SLC41A2: variants seen among roughly 807,000 people sequenced by gnomAD.
The protein encoded by SLC41A2 is SLC41A1-like 1.
SLC41A2 carries 32 observed loss-of-function variants against 58.3 expected under a neutral mutation model. The ratio of observed to expected loss-of-function variants is 0.55; its 90% confidence interval spans 0.41 to 0.74. The LOEUF (loss-of-function observed/expected upper bound fraction) is 0.74, where lower values mean the gene tolerates loss of function less well. SLC41A2 is among the 30% of genes least tolerant of loss of function. SLC41A2 has a pLI of 0.00. For synonymous variants in SLC41A2, 190 were observed against 235.0 expected (o/e 0.81, Z 1.75); for missense variants, 514 against 680.6 (o/e 0.76, Z 2.72).
intron 10 of SLC41A2, among the ~76,000 whole-genome samples, chr12:104,836,688 A>C (rs1245666422): frequency 1.3e-5 from 2 of 152,226 alleles, no homozygotes; most frequent in African/African-American, 4.8e-5. Context: ...GGTCAAACAA[A>C]TTTAAAAATT....
intron 6 of SLC41A2, among the ~76,000 whole-genome samples, chr12:104,872,715 C>G (rs938614404): frequency 1.3e-5 from 2 of 151,926 alleles, no homozygotes; most frequent in African/African-American, 4.8e-5. Flanking sequence ...GGGCGACAGT[C>G]GAGCAAGACT....
intron 8 of SLC41A2, among the ~76,000 whole-genome samples, chr12:104,859,192 G>A (rs972253234): frequency 5.3e-5 from 8 of 152,146 alleles, no homozygotes; most frequent in African/African-American, 1.2e-4. Context: ...GGGAAACAAT[G>A]AGTCCAACCA....
chr12:104,923,311 G>A (rs1303626719), intron 2 of SLC41A2, among the ~76,000 whole-genome samples: 1 of 147,192 alleles, frequency 6.8e-6, no homozygotes, highest in Non-Finnish European at 1.5e-5. Context: ...GAAGTGAGCC[G>A]TGATCGTGCC....
chr12:104,847,637 A>C (rs189926708), intron 8 of SLC41A2, among the ~76,000 whole-genome samples: 183 of 151,776 alleles, frequency 1.2e-3, no homozygotes, highest in African/African-American at 4.3e-3. Flanking sequence ...AGTCCTCAAA[A>C]TACATCAAGA....
intron 1 of SLC41A2, among the ~76,000 whole-genome samples, chr12:104,940,666 C>A (rs1167960804): frequency 6.6e-6 from 1 of 151,062 alleles, no homozygotes; most frequent in African/African-American, 2.4e-5. Flanking sequence ...ACCTATAATC[C>A]CAGCACTTTG....
At chr12:104,886,091 CAG>C (rs1355822936) in intron 6 of SLC41A2, among the ~76,000 whole-genome samples, 200 bp downstream of exon 6, 2 of 151,990 alleles carry the variant, frequency 1.3e-5, no homozygotes, top group African/African-American at 4.8e-5. Flanking sequence ...CCTTATTTTA[CAG>C]AGTTTTAAAC....
At chr12:104,806,942 T>G (rs1018175978) in intron 10 of SLC41A2, among the ~76,000 whole-genome samples, 3 of 152,234 alleles carry the variant, frequency 2.0e-5, no homozygotes, top group Non-Finnish European at 4.4e-5. Flanking sequence ...CTTGTTTGAG[T>G]TCATTGTAAA....
At chr12:104,820,567 T>C (rs552037216) in intron 10 of SLC41A2, among the ~76,000 whole-genome samples, 3 of 152,272 alleles carry the variant, frequency 2.0e-5, no homozygotes, top group Non-Finnish European at 4.4e-5. Context: ...ACAAGGTCAT[T>C]TGTCATATTT....
rs191707175 is a variant in SLC41A2 at position 104,884,509 on chromosome 12, C to A, written c.1027+1784G>T. On this transcript the variant is annotated intron_variant, in intron 6 of 10. Coordinates refer to ENST00000258538, the MANE Select transcript of SLC41A2 (RefSeq NM_001352171.3). ...GTATTTTTTATGTATATAGGGTAAC[C>A]TGTCCCAGAACCACTACCAGCCCTC... is the stretch of plus-strand genomic sequence containing the variant. 3.9e-5 allele frequency among the ~76,000 whole-genome samples: 6 copies of A among 152,264 alleles called. No individual in the cohort carries two copies. The East Asian group carries it at 1.2e-3, about 29-fold the overall frequency.
chr12:104,807,599 A>T (rs1353722519), intron 10 of SLC41A2, among the ~76,000 whole-genome samples: 3 of 152,142 alleles, frequency 2.0e-5, no homozygotes, highest in Non-Finnish European at 4.4e-5. Flanking sequence ...CAATTCTGTG[A>T]AGAAAGTCAT....
intron 2 of SLC41A2, among the ~76,000 whole-genome samples, chr12:104,920,135 G>GTC (rs1253930151): frequency 6.6e-6 from 1 of 151,996 alleles, no homozygotes; most frequent in Non-Finnish European, 1.5e-5. Flanking sequence ...ATTTGTGTGG[G>GTC]TCTCTCTCTC....
rs539887540 is a variant in SLC41A2 at position 104,838,745 on chromosome 12, G to A, written c.1536+5727C>T. ...TCTGAAGTTACAGAGGAAAAAGACT[G>A]TATTGTTATAAGGAAGTAAGTCTTG... is the stretch of plus-strand genomic sequence containing the variant. On this transcript the variant is annotated intron_variant, in intron 10 of 10. Transcript: ENST00000258538. Among the ~76,000 whole-genome samples, 39 of 152,264 alleles carry A rather than the reference G, an allele frequency of 2.6e-4. 1 individual carries two copies. In the South Asian group the frequency reaches 7.3e-3, roughly 28 times the overall value.
At chr12:104,819,258 T>C (rs932796645) in intron 10 of SLC41A2, among the ~76,000 whole-genome samples, 1 of 152,210 alleles carries the variant, frequency 6.6e-6, no homozygotes, top group Non-Finnish European at 1.5e-5. Context: ...TTTTAAAATA[T>C]ACTTCAAATT....
chr12:104,802,151 T>TAA lies in SLC41A2; in HGVS notation c.*3000_*3001insTT, dbSNP rs1354371687. 3.3e-5 allele frequency among the ~76,000 whole-genome samples: 5 copies of TAA among 152,162 alleles called. No individual in the cohort carries two copies. Among genetic ancestry groups the TAA allele is most frequent in the African/African-American group, 1.2e-4 (5 of 41,438 alleles). On this transcript the variant is annotated 3_prime_UTR_variant, in exon 11 of 11. Transcript: ENST00000258538. ...CACATATTACCATAAGTTTCCATTTTATCAGGTTCTAAGAAACTTTATTTT... is the reference window on the plus strand; with the variant it reads ...CACATATTACCATAAGTTTCCATTTTAAATCAGGTTCTAAGAAACTTTATTTT...
intron 10 of SLC41A2, among the ~76,000 whole-genome samples, chr12:104,832,878 G>A (rs2042086483): frequency 6.6e-6 from 1 of 152,030 alleles, no homozygotes; most frequent in African/African-American, 2.4e-5. Flanking sequence ...TGTTATTCTT[G>A]TTTGTCTTAC....
Position 104,928,174 on chromosome 12 carries a change from A to G in SLC41A2, c.354T>C (p.Cys118=), listed in dbSNP as rs1335407348. 2.5e-6 allele frequency: 4 copies of G among 1,614,010 alleles called. No homozygotes were observed. The highest frequency in any genetic ancestry group is 3.4e-6 in the Non-Finnish European group (4 of 1,180,024). The change falls in exon 2 of 11, where the codon TGT becomes TGC. Residue 118 remains cysteine, a synonymous_variant. Coordinates refer to ENST00000258538, the MANE Select transcript of SLC41A2 (RefSeq NM_001352171.3). The part of the protein sequence containing the change: ...KYDDYANYNY[C]DGRETSETTA... ...TGGTTTCTGAAGTCTCCCTTCCATC[A>G]CAGTAATTATAATTGGCATAGTCAT...
rs2043456755 is a variant in SLC41A2, at chr12:104,866,408, ACACACACAT to A, written c.1175+15_1175+23del. On this transcript the variant is annotated intron_variant, in intron 7 of 10. Coordinates refer to ENST00000258538, the MANE Select transcript of SLC41A2 (RefSeq NM_001352171.3). The stretch of plus-strand genomic sequence containing the variant: ...CACACACACACACACACACACACAC[ACACACACAT>A]ATTTTAATACTAACCTACTTATAAC... 5 of 1,601,720 alleles carry A rather than the reference ACACACACAT, an allele frequency of 3.1e-6. No homozygotes were observed. The East Asian group carries it at 1.1e-4, about 36-fold the overall frequency.
intron 10 of SLC41A2, among the ~76,000 whole-genome samples, chr12:104,814,906 A>T (rs2041326198): frequency 6.6e-6 from 1 of 152,236 alleles, no homozygotes; most frequent in African/African-American, 2.4e-5. Context: ...GAATAAATTT[A>T]TGTCTTCATA....
chr12:104,957,436 A>G (rs1281867752), intron 1 of SLC41A2, among the ~76,000 whole-genome samples: 2 of 152,126 alleles, frequency 1.3e-5, no homozygotes, highest in African/African-American at 2.4e-5. Context: ...GATGATCTGG[A>G]TAGTGGTCAT....
Sources: gnomAD v4.1 joint callset for allele counts (sites outside exome capture counted in the v4.1 genomes callset) on GRCh38, gnomAD v4.1.1 for gene constraint, MANE v1.5 for transcripts, NCBI Gene and HGNC (gene_info 2026-07-23, HGNC 2026-07-21) for gene names.